UTRN: variants seen among roughly 807,000 people sequenced by gnomAD.
UTRN encodes the protein utrophin, also known as dystrophin-related protein 1.
Under a neutral mutation model 463.9 loss-of-function variants are expected in UTRN, and 283 were observed. The observed-to-expected ratio is 0.61, with a 90% CI of 0.55 to 0.67. The LOEUF is 0.67. Among genes scored for constraint, UTRN ranks in the 30% least tolerant of loss-of-function variants. The probability of loss-of-function intolerance (pLI) is 0.00; values close to 1 mark genes in which losing one functional copy is unlikely to be tolerated. For synonymous variants in UTRN, 1,442 were observed against 1,431.5 expected (o/e 1.01, Z -0.17); for missense variants, 3,922 against 4,084.3 (o/e 0.96, Z 1.08).
At chr6:144,399,405 A>G (rs1782738454) in intron 2 of UTRN, among the ~76,000 whole-genome samples, 1 of 152,196 alleles carries the variant, frequency 6.6e-6, no homozygotes, top group African/African-American at 2.4e-5. Flanking sequence ...GTTACTTCCA[A>G]AATAATAATC....
At chr6:144,700,057 G>T in intron 52 of UTRN, 30 bp from the exon 53 acceptor site, 1 of 1,544,620 alleles carries the variant, frequency 6.5e-7, no homozygotes, top group Non-Finnish European at 8.8e-7. Context: ...TCTAAATGTG[G>T]TTATTATTAT....
intron 49 of UTRN, 79 bp from the exon 50 acceptor site, chr6:144,557,078 T>C (rs1422366633): frequency 1.3e-6 from 2 of 1,501,532 alleles, no homozygotes; most frequent in African/African-American, 2.8e-5. Flanking sequence ...TGTCAAAATC[T>C]GCTGGGAGTA....
intron 21 of UTRN, 91 bp from the exon 22 acceptor site, chr6:144,461,106 C>CAA (rs1789361220): frequency 9.1e-7 from 1 of 1,095,720 alleles, no homozygotes; most frequent in Non-Finnish European, 1.2e-6. Flanking sequence ...TCTCCTTTGC[C>CAA]ATGTATTGGA....
chr6:144,478,568 T>C (rs1791493629), intron 25 of UTRN, among the ~76,000 whole-genome samples: 1 of 152,198 alleles, frequency 6.6e-6, no homozygotes, highest in African/African-American at 2.4e-5. Context: ...AGAAAAGCTC[T>C]TGTTTGGTCC....
chr6:144,349,974 C>T (rs1455280851), intron 2 of UTRN, among the ~76,000 whole-genome samples: 2 of 152,124 alleles, frequency 1.3e-5, no homozygotes, highest in African/African-American at 4.8e-5. Flanking sequence ...CTGAACTAGA[C>T]CTTTCATTGT....
chr6:144,827,477 T>C, intron 67 of UTRN, 91 bp downstream of exon 67: 1 of 1,601,158 alleles, frequency 6.2e-7, no homozygotes, highest in Non-Finnish European at 8.5e-7. Context: ...AAAATAATAC[T>C]TCTGTGTTCC....
At chr6:144,453,922 A>G in intron 19 of UTRN, 53 bp downstream of exon 19, 1 of 1,502,496 alleles carries the variant, frequency 6.7e-7, no homozygotes, top group Non-Finnish European at 9.2e-7. Context: ...GCATCGAATA[A>G]TATTACAGTT....
intron 58 of UTRN, among the ~76,000 whole-genome samples, chr6:144,762,021 T>C (rs1792748050): frequency 6.6e-6 from 1 of 152,228 alleles, no homozygotes; most frequent in South Asian, 2.1e-4. Context: ...AGTCATTTAT[T>C]TGCCAGGTGT....
intron 50 of UTRN, among the ~76,000 whole-genome samples, chr6:144,567,977 T>G (rs1800568514): frequency 6.6e-6 from 1 of 152,180 alleles, no homozygotes; most frequent in Non-Finnish European, 1.5e-5. Context: ...AAATAACATT[T>G]TAAAAAGGCA....
At chr6:144,440,863 A>G (rs914979769) in intron 13 of UTRN, among the ~76,000 whole-genome samples, 6 of 152,214 alleles carry the variant, frequency 3.9e-5, no homozygotes, top group African/African-American at 1.4e-4. Context: ...GTGGAAGGGA[A>G]GGAGGAGCAA....
intron 2 of UTRN, chr6:144,312,078 T>A (rs191045564): frequency 6.6e-6 from 1 of 152,080 alleles, no homozygotes. Context: ...AAAGTAGAGA[T>A]AGTAATAGCA....
At chr6:144,577,471 A>T (rs1275436393) in intron 51 of UTRN, among the ~76,000 whole-genome samples, 183 bp downstream of exon 51, 1 of 152,194 alleles carries the variant, frequency 6.6e-6, no homozygotes, top group East Asian at 1.9e-4. Flanking sequence ...ACTTAATGTT[A>T]GAGGGGAAAA....
chr6:144,805,225 C>T (rs942272738), intron 65 of UTRN, among the ~76,000 whole-genome samples: 1 of 151,948 alleles, frequency 6.6e-6, no homozygotes, highest in Non-Finnish European at 1.5e-5. Flanking sequence ...TCAGAGTATA[C>T]CCAGAAAGAT....
At chr6:144,456,556 G>A (rs946151967) in intron 19 of UTRN, among the ~76,000 whole-genome samples, 9 of 151,670 alleles carry the variant, frequency 5.9e-5, no homozygotes, top group African/African-American at 2.2e-4. Context: ...AGGAGGCTGA[G>A]GCAGGAGAAT....
chr6:144,451,265 G>A, intron 17 of UTRN, 105 bp from the exon 18 acceptor site: 1 of 1,362,784 alleles, frequency 7.3e-7, no homozygotes, highest in South Asian at 1.8e-5. Context: ...TTGGGGGAGT[G>A]ATAAAAAGAC....
chr6:144,403,448 G>A (rs1017773977), intron 3 of UTRN, among the ~76,000 whole-genome samples: 1 of 152,160 alleles, frequency 6.6e-6, no homozygotes, highest in African/African-American at 2.4e-5. Context: ...TCGATTCTGT[G>A]AATCCTGGGT....
chr6:144,493,159 C>A, intron 32 of UTRN, 142 bp from the exon 33 acceptor site: 1 of 679,442 alleles, frequency 1.5e-6, no homozygotes, highest in Non-Finnish European at 2.3e-6. Context: ...ACCTTCAGAC[C>A]AAATCTGAGA....
intron 54 of UTRN, among the ~76,000 whole-genome samples, chr6:144,732,861 G>C (rs890405906): frequency 6.6e-6 from 1 of 152,004 alleles, no homozygotes; most frequent in Non-Finnish European, 1.5e-5. Flanking sequence ...GACTACCACA[G>C]ACTATCTTTT....
intron 52 of UTRN, among the ~76,000 whole-genome samples, chr6:144,684,154 A>G (rs983498553): frequency 6.7e-6 from 1 of 148,614 alleles, no homozygotes; most frequent in Non-Finnish European, 1.5e-5. Flanking sequence ...GGTTTAAGTG[A>G]TTCTCCTGCC....
Sources: gnomAD v4.1 joint callset for allele counts (sites outside exome capture counted in the v4.1 genomes callset) on GRCh38, gnomAD v4.1.1 for gene constraint, MANE v1.5 for transcripts, NCBI Gene and HGNC (gene_info 2026-07-23, HGNC 2026-07-21) for gene names.